The following XYLT1 variants were observed in gnomAD, a reference collection of about 807,000 sequenced individuals.
XYLT1 encodes the protein xylosyltransferase 1, also known as beta-D-xylosyltransferase 1.
In XYLT1, 36 loss-of-function variants were observed where a neutral mutation model predicts 91.3. The observed-to-expected ratio is 0.39, with a 90% CI of 0.30 to 0.52. The LOEUF (loss-of-function observed/expected upper bound fraction) is 0.52, where lower values mean the gene tolerates loss of function less well. Ranked by LOEUF, XYLT1 falls within the 20% of genes least tolerant of loss-of-function variation. The pLI is 0.68. For synonymous variants in XYLT1, 588 were observed against 532.0 expected, an observed-to-expected ratio of 1.11 and a Z score of -1.45; for missense variants, 1,242 against 1,284.5, an observed-to-expected ratio of 0.97 and a Z score of 0.51.
At chr16:17,219,280 C>CAAAAAAAAAAA (rs369055155) in intron 3 of XYLT1, among the ~76,000 whole-genome samples, 1 of 85,066 alleles carries the variant, frequency 1.2e-5, no homozygotes, top group Non-Finnish European at 2.2e-5. Flanking sequence ...GACTTTGTCT[C>CAAAAAAAAAAA]AAAAAAAAAA....
Position 17,141,048 on chromosome 16 carries a change from T to G in XYLT1, c.1587+105A>C, listed in dbSNP as rs1033187154. ...GGATGTCTGGGTGTGTAGAGGACAA[T>G]GTAGGTGGACCCAGAATCTCTTTGC... On this transcript the variant is annotated intron_variant, in intron 7 of 11. Coordinates refer to ENST00000261381, the MANE Select transcript of XYLT1 (RefSeq NM_022166.4). 13 of 1,109,170 alleles carry G rather than the reference T, an allele frequency of 1.2e-5. No homozygotes were observed. The African/African-American group carries it at 1.9e-4, about 16-fold the overall frequency. 68.7% of individuals were successfully genotyped at this position (1,109,170 alleles called of 1,614,324 possible). A position where few individuals can be genotyped will look rare whatever the true frequency, so the allele number is the denominator to read the frequency against.
At chr16:17,436,270 C>G (rs925683479) in intron 1 of XYLT1, among the ~76,000 whole-genome samples, 1 of 152,162 alleles carries the variant, frequency 6.6e-6, no homozygotes, top group Non-Finnish European at 1.5e-5. Context: ...TGAGAAAAGA[C>G]AATTACACGG....
At chr16:17,397,247 C>T (rs909088587) in intron 1 of XYLT1, among the ~76,000 whole-genome samples, 1 of 152,022 alleles carries the variant, frequency 6.6e-6, no homozygotes, top group African/African-American at 2.4e-5. Flanking sequence ...TCGGCAGGTT[C>T]GGGTAACAGA....
At chr16:17,119,921 C>T (rs2029986725) in intron 10 of XYLT1, among the ~76,000 whole-genome samples, 1 of 152,230 alleles carries the variant, frequency 6.6e-6, no homozygotes, top group South Asian at 2.1e-4. Flanking sequence ...CCAGGGGTGG[C>T]TGCCATCTGT....
intron 1 of XYLT1, among the ~76,000 whole-genome samples, chr16:17,460,511 T>C (rs1022606034): frequency 6.6e-6 from 1 of 152,164 alleles, no homozygotes; most frequent in Non-Finnish European, 1.5e-5. Context: ...CACATGGGAA[T>C]AGGGTAACCA....
At chr16:17,373,057 T>C (rs541872026) in intron 1 of XYLT1, among the ~76,000 whole-genome samples, 43 of 152,344 alleles carry the variant, frequency 2.8e-4, no homozygotes, top group Middle Eastern at 6.8e-3. Flanking sequence ...TTATTGTGCC[T>C]GTTAGCAATA....
intron 2 of XYLT1, among the ~76,000 whole-genome samples, chr16:17,339,082 C>T (rs1287164739): frequency 6.6e-6 from 1 of 152,140 alleles, no homozygotes; most frequent in Non-Finnish European, 1.5e-5. Flanking sequence ...AATGTGGAAT[C>T]CTGTGCACCA....
chr16:17,189,266 G>T (rs184046929), intron 5 of XYLT1, among the ~76,000 whole-genome samples: 1 of 152,138 alleles, frequency 6.6e-6, no homozygotes, highest in East Asian at 1.9e-4. Flanking sequence ...AATCTTCCCC[G>T]GACAATGAGA....
chr16:17,268,952 C>T (rs1440754875), intron 2 of XYLT1, among the ~76,000 whole-genome samples: 2 of 152,036 alleles, frequency 1.3e-5, no homozygotes, highest in Non-Finnish European at 2.9e-5. Flanking sequence ...GAATTACAGG[C>T]GTGAGCCACT....
At chr16:17,317,789 A>G (rs2034658768) in intron 2 of XYLT1, among the ~76,000 whole-genome samples, 1 of 152,084 alleles carries the variant, frequency 6.6e-6, no homozygotes, top group Non-Finnish European at 1.5e-5. Context: ...GGATCTAGCT[A>G]CTGCCCACCT....
At chr16:17,338,005 G>C (rs1199858406) in intron 2 of XYLT1, 1 of 355,264 alleles carries the variant, frequency 2.8e-6, no homozygotes, top group African/African-American at 2.1e-5. Flanking sequence ...TTGAACTCCT[G>C]ACCTCACCCA....
intron 5 of XYLT1, among the ~76,000 whole-genome samples, chr16:17,174,106 T>C (rs1012403727): frequency 3.9e-5 from 6 of 152,158 alleles, no homozygotes; most frequent in Admixed American, 3.9e-4. Context: ...TCTGTGGTTG[T>C]TCCCTGGCTG....
chr16:17,465,647 T>C (rs1170643941), intron 1 of XYLT1, among the ~76,000 whole-genome samples: 1 of 151,762 alleles, frequency 6.6e-6, no homozygotes, highest in Non-Finnish European at 1.5e-5. Context: ...TAAATGTCAG[T>C]ACTCCTTCCT....
intron 2 of XYLT1, among the ~76,000 whole-genome samples, chr16:17,321,343 T>C (rs982692039): frequency 2.2e-3 from 27 of 12,552 alleles, no homozygotes; most frequent in African/African-American, 0.021. Context: ...CTAACTAGCC[T>C]TTTTTTTTTT....
intron 8 of XYLT1, 151 bp from the exon 9 acceptor site, chr16:17,134,886 A>ACAT (rs2030652070): frequency 1.1e-6 from 1 of 888,724 alleles, no homozygotes; most frequent in African/African-American, 1.7e-5. Context: ...CTCAGTTTCA[A>ACAT]CATCTGTAAA....
Position 17,108,804 on chromosome 16 carries a change from G to C in XYLT1, c.2771C>G (p.Pro924Arg). ...GGTCTGCATGACCGGGCAGGCTGTG[G>C]GGCCCGTGGCACAGATGTCCATGGC... ...WTAMDICATGPTACPVMQTCS... is the reference protein window; with the variant it reads ...WTAMDICATGRTACPVMQTCS... The change falls in exon 12 of 12, where the codon CCC (proline) becomes CGC (arginine). Residue 924 changes from proline to arginine, a missense_variant. Around this residue, in one of 3 missense-constraint regions of XYLT1, gnomAD observed 511 missense variants for 497.0 expected, o/e 1.03. Coordinates refer to ENST00000261381, the MANE Select transcript of XYLT1 (RefSeq NM_022166.4). 6.2e-7 allele frequency: 1 copy of C among 1,611,998 alleles called. No homozygotes were observed. The highest frequency in any genetic ancestry group is 1.1e-5 in the South Asian group (1 of 91,040).
rs1273142773 is a variant in XYLT1 at position 17,413,463 on chromosome 16, G to A, written c.364-55413C>T. On this transcript the variant is annotated intron_variant, in intron 1 of 11. Coordinates refer to ENST00000261381, the MANE Select transcript of XYLT1 (RefSeq NM_022166.4). ...ATCATTTTTTTTTTTTTTTGAGACAGGGTCTCACTCTGTCACCCAGGCTAG... is the reference window on the plus strand; with the variant it reads ...ATCATTTTTTTTTTTTTTTGAGACAAGGTCTCACTCTGTCACCCAGGCTAG... Among the ~76,000 whole-genome samples the A allele has an allele frequency of 2.1e-5, 3 of 144,966 alleles. No individual in the cohort carries two copies. The Admixed American group carries it at 2.1e-4, about 10-fold the overall frequency.
chr16:17,264,813 G>A (rs1413161289), intron 2 of XYLT1, among the ~76,000 whole-genome samples: 4 of 152,190 alleles, frequency 2.6e-5, no homozygotes, highest in Non-Finnish European at 4.4e-5. Context: ...TAGTAATGAA[G>A]TGATTCAAAC....
chr16:17,225,062 G>A (rs2033037921), intron 3 of XYLT1, among the ~76,000 whole-genome samples: 1 of 152,048 alleles, frequency 6.6e-6, no homozygotes. Flanking sequence ...CAGATGCTCA[G>A]CCTACCAAAT....
Sources: allele counts gnomAD v4.1 joint callset (sites outside exome capture counted in the v4.1 genomes callset), GRCh38; gene constraint gnomAD v4.1.1; regional missense constraint gnomAD v4.1.1; transcripts MANE v1.5; gene names NCBI Gene and HGNC (gene_info 2026-07-23, HGNC 2026-07-21).